CSNK2A2: variants seen among roughly 807,000 people sequenced by gnomAD.
CSNK2A2 encodes the protein casein kinase 2 alpha 2, also known as casein kinase II subunit alpha'.
A neutral mutation model predicts 54.0 loss-of-function variants in CSNK2A2; 8 were observed. The ratio of observed to expected loss-of-function variants is 0.15; its 90% CI spans 0.09 to 0.27. The LOEUF (loss-of-function observed/expected upper bound fraction) is 0.27. Among genes scored for constraint, CSNK2A2 ranks in the 10% least tolerant of loss-of-function variants. CSNK2A2 has a pLI of 1.00. For missense variants in CSNK2A2, 242 were observed against 439.4 expected (o/e 0.55, Z 4.02); for synonymous variants, 141 against 153.9 (o/e 0.92, Z 0.62).
chr16:58,190,795 G>A (rs1962305298), intron 2 of CSNK2A2, among the ~76,000 whole-genome samples: 1 of 152,194 alleles, frequency 6.6e-6, no homozygotes, highest in Non-Finnish European at 1.5e-5. Context: ...CAGTCAGAAT[G>A]TAAAATGGTA....
intron 2 of CSNK2A2, among the ~76,000 whole-genome samples, chr16:58,188,277 G>T (rs1962242213): frequency 1.3e-5 from 2 of 152,188 alleles, no homozygotes; most frequent in Admixed American, 1.3e-4. Context: ...CTGTGCCAGG[G>T]TTCCCAGGAG....
intron 5 of CSNK2A2, among the ~76,000 whole-genome samples, chr16:58,169,850 G>C (rs1961687465): frequency 6.6e-6 from 1 of 152,060 alleles, no homozygotes. Context: ...TTCAAGACCA[G>C]CCTGGCCAAC....
intron 10 of CSNK2A2, among the ~76,000 whole-genome samples, chr16:58,165,215 C>T (rs1444445173): frequency 1.3e-5 from 2 of 152,176 alleles, no homozygotes; most frequent in African/African-American, 4.8e-5. Context: ...TAACTAATTA[C>T]TAGTTTTCTG....
In CSNK2A2 at chr16:58,163,308, T is replaced by C. The variant is rs1319217412; in HGVS notation, c.*17+746A>G. The C allele has an allele frequency of 2.7e-5, 4 of 150,160 alleles. No homozygotes were observed. In the East Asian group the frequency reaches 7.8e-4, roughly 29 times the overall value. 9.3% of individuals were successfully genotyped at this position (150,160 alleles called of 1,614,324 possible). On this transcript the variant is annotated intron_variant, in intron 11 of 11. Transcript: ENST00000262506. ...AGCAACAAAAAAATAGCAACAAGATTTTATGGTTAGGGAAATCAACAAAGG... is the reference window on the plus strand; with the variant it reads ...AGCAACAAAAAAATAGCAACAAGATCTTATGGTTAGGGAAATCAACAAAGG...
Position 58,167,188 on chromosome 16 carries a change from C to A in CSNK2A2, c.726+19G>T. 2 of 1,583,442 alleles carry A rather than the reference C, an allele frequency of 1.3e-6. No homozygotes were observed. Among genetic ancestry groups the A allele is most frequent in the Non-Finnish European group, 1.7e-6 (2 of 1,160,804 alleles). ...GCATTCACCCCCAAATAAATAAGAACCAGAAAGCATTTGCTCACCTGGTCA... is the reference window on the plus strand; with the variant it reads ...GCATTCACCCCCAAATAAATAAGAAACAGAAAGCATTTGCTCACCTGGTCA... On this transcript the variant is annotated intron_variant, in intron 8 of 11. Transcript: ENST00000262506.
intron 4 of CSNK2A2, among the ~76,000 whole-genome samples, chr16:58,175,029 T>A (rs1194986201): frequency 6.6e-6 from 1 of 152,148 alleles, no homozygotes; most frequent in Non-Finnish European, 1.5e-5. Context: ...CATTTGCAGA[T>A]GGCAAGAGCT....
chr16:58,181,098 G>A (rs1458094508), intron 4 of CSNK2A2, among the ~76,000 whole-genome samples: 1 of 152,126 alleles, frequency 6.6e-6, no homozygotes, highest in Non-Finnish European at 1.5e-5. Context: ...GTTAAACAAG[G>A]CAGATCAAAC....
At chr16:58,174,604 A>G in intron 4 of CSNK2A2, 94 bp from the exon 5 acceptor site, 1 of 878,640 alleles carries the variant, frequency 1.1e-6, no homozygotes, top group Non-Finnish European at 1.7e-6. Context: ...TTTGATACTT[A>G]AGTGACTAAG....
intron 4 of CSNK2A2, among the ~76,000 whole-genome samples, chr16:58,177,501 G>A (rs1961913760): frequency 6.6e-6 from 1 of 152,182 alleles, no homozygotes; most frequent in South Asian, 2.1e-4. Flanking sequence ...GGCCACAGGT[G>A]GGCCTCACTG....
At position 58,197,827 on chromosome 16, in the gene CSNK2A2, G is replaced by A. The variant is rs1168121804; in HGVS notation, c.-91C>T. On this transcript the variant is annotated 5_prime_UTR_variant, in exon 1 of 12. Transcript: ENST00000262506. This position sits in a 1 kb window ranked among gnomAD's most constrained non-coding sequence, Gnocchi z 4.0. ...GGGGCGTCGGGCGGAGGAGGCAGCG[G>A]GCCGCCGGGCGCTGGAGGAGGAGGA... is the stretch of plus-strand genomic sequence containing the variant. The A allele has an allele frequency of 2.2e-5, 5 of 230,328 alleles. No individual in the cohort carries two copies. The highest frequency in any genetic ancestry group is 6.9e-5 in the Admixed American group (1 of 14,542). 14.3% of individuals were successfully genotyped at this position (230,328 alleles called of 1,614,324 possible).
intron 11 of CSNK2A2, chr16:58,159,076 A>G (rs1267543472): frequency 1.3e-5 from 2 of 152,282 alleles, no homozygotes; most frequent in Non-Finnish European, 2.9e-5. Context: ...GAAGGGTTCC[A>G]CTGCGTAGTA....
chr16:58,185,541 A>T (rs892274619), intron 3 of CSNK2A2, among the ~76,000 whole-genome samples: 3 of 152,240 alleles, frequency 2.0e-5, no homozygotes, highest in African/African-American at 7.2e-5. Context: ...CTCACATTTT[A>T]AAAATTATTC....
chr16:58,176,493 T>G (rs1961882914), intron 4 of CSNK2A2, among the ~76,000 whole-genome samples: 1 of 152,180 alleles, frequency 6.6e-6, no homozygotes, highest in African/African-American at 2.4e-5. Context: ...GATCTCCGGG[T>G]AGGAGGAGAC....
chr16:58,184,414 G>C, intron 3 of CSNK2A2, 104 bp from the exon 4 acceptor site: 5 of 721,878 alleles, frequency 6.9e-6, no homozygotes, highest in Non-Finnish European at 1.2e-5. Context: ...GGTAACACAG[G>C]GATTCACTCA....
chr16:58,163,175 G>A (rs539650349), intron 11 of CSNK2A2: 21 of 140,564 alleles, frequency 1.5e-4, no homozygotes, highest in African/African-American at 5.6e-4. Context: ...AAAGGTCTCT[G>A]TTTCAGAGAG....
intron 2 of CSNK2A2, among the ~76,000 whole-genome samples, chr16:58,195,173 G>A (rs1178359006): frequency 2.2e-5 from 3 of 136,466 alleles, no homozygotes; most frequent in Non-Finnish European, 4.8e-5. Context: ...TAATTTTCCT[G>A]TGACTTAAAA....
intron 3 of CSNK2A2, among the ~76,000 whole-genome samples, chr16:58,184,997 T>C (rs1205755308): frequency 6.6e-6 from 1 of 152,216 alleles, no homozygotes; most frequent in Admixed American, 6.5e-5. Context: ...TTTAAAGCAC[T>C]ATAATCTTTA....
chr16:58,186,950 C>G, intron 2 of CSNK2A2, 94 bp from the exon 3 acceptor site: 1 of 926,722 alleles, frequency 1.1e-6, no homozygotes. Flanking sequence ...GGATAGTACG[C>G]TATCTTGTAC....
At chr16:58,170,491 A>C (rs1190284826) in intron 5 of CSNK2A2, among the ~76,000 whole-genome samples, 1 of 152,008 alleles carries the variant, frequency 6.6e-6, no homozygotes, top group African/African-American at 2.4e-5. Context: ...CCTTGGGTAG[A>C]TTCCTAGGGG....
Sources: gnomAD v4.1 joint callset for allele counts (sites outside exome capture counted in the v4.1 genomes callset) on GRCh38, gnomAD v4.1.1 for gene constraint, Gnocchi (gnomAD v3.1) non-coding constraint, MANE v1.5 for transcripts, NCBI Gene and HGNC (gene_info 2026-07-23, HGNC 2026-07-21) for gene names.